SLC4A10: variants seen among roughly 807,000 people sequenced by gnomAD.
The protein encoded by SLC4A10 is sodium-driven chloride bicarbonate exchanger.
SLC4A10 carries 42 observed loss-of-function variants against 137.7 expected under a neutral mutation model. That is an observed-to-expected ratio of 0.30 (90% CI 0.24 to 0.39). The LOEUF (loss-of-function observed/expected upper bound fraction) is 0.39, where lower values mean the gene tolerates loss of function less well. SLC4A10 is among the 10% of genes least tolerant of loss of function. The pLI, the probability that SLC4A10 is intolerant of heterozygous loss-of-function variation, is 1.00. For synonymous variants in SLC4A10, 474 were observed against 464.1 expected (o/e 1.02, Z -0.27); for missense variants, 925 against 1,355.0 (o/e 0.68, Z 4.98).
intron 1 of SLC4A10, among the ~76,000 whole-genome samples, chr2:161,769,869 T>C (rs550011190): frequency 3.3e-5 from 5 of 152,020 alleles, no homozygotes; most frequent in South Asian, 2.1e-4. Flanking sequence ...CTACATATTA[T>C]GGCACTCTGT....
intron 2 of SLC4A10, among the ~76,000 whole-genome samples, chr2:161,776,859 G>A (rs1415174561): frequency 1.0e-5 from 1 of 95,442 alleles, no homozygotes; most frequent in Non-Finnish European, 2.0e-5. Flanking sequence ...ATTTTCTGGT[G>A]TGTGTGTGTG....
At chr2:161,693,088 A>C (rs1194298782) in intron 1 of SLC4A10, among the ~76,000 whole-genome samples, 1 of 152,070 alleles carries the variant, frequency 6.6e-6, no homozygotes, top group Non-Finnish European at 1.5e-5. Context: ...ACTGGAGAAA[A>C]AGGCAAGTTC....
intron 3 of SLC4A10, 24 bp from the exon 4 acceptor site, chr2:161,839,765 T>C (rs1404592335): frequency 1.2e-6 from 2 of 1,612,900 alleles, no homozygotes; most frequent in East Asian, 4.5e-5. Flanking sequence ...ATGTTCATGG[T>C]AATACATGTC....
intron 1 of SLC4A10, among the ~76,000 whole-genome samples, chr2:161,734,903 C>G (rs2047180416): frequency 6.6e-6 from 1 of 151,954 alleles, no homozygotes; most frequent in South Asian, 2.1e-4. Flanking sequence ...CCCACATACT[C>G]TTCTCATGAT....
chr2:161,658,139 C>A (rs191359876), intron 1 of SLC4A10, among the ~76,000 whole-genome samples: 1 of 152,102 alleles, frequency 6.6e-6, no homozygotes, highest in African/African-American at 2.4e-5. Context: ...GTCTTTTCAA[C>A]ATATGCTTAC....
intron 2 of SLC4A10, among the ~76,000 whole-genome samples, chr2:161,792,347 T>C (rs2125540242): frequency 6.6e-6 from 1 of 152,284 alleles, no homozygotes; most frequent in African/African-American, 2.4e-5. Context: ...TGAAAATTAT[T>C]TAATACTTTT....
At chr2:161,897,938 C>A (rs1376057381) in intron 11 of SLC4A10, among the ~76,000 whole-genome samples, 2 of 152,032 alleles carry the variant, frequency 1.3e-5, no homozygotes, top group Non-Finnish European at 2.9e-5. Flanking sequence ...TTTGAAAACA[C>A]CTTTGTGAAC....
chr2:161,920,860 T>C (rs1688002688), intron 15 of SLC4A10, among the ~76,000 whole-genome samples: 1 of 152,250 alleles, frequency 6.6e-6, no homozygotes, highest in Non-Finnish European at 1.5e-5. Flanking sequence ...TCAACATCCA[T>C]TGATCTTCCT....
chr2:161,838,774 A>G (rs2058983071), intron 3 of SLC4A10, among the ~76,000 whole-genome samples: 2 of 152,224 alleles, frequency 1.3e-5, no homozygotes, highest in Admixed American at 1.3e-4. Flanking sequence ...ACAATGAAAT[A>G]CCACTACATA....
chr2:161,625,066 C>CGTGT (rs5835872), intron 1 of SLC4A10, among the ~76,000 whole-genome samples: 2,168 of 144,264 alleles, frequency 0.015, 29 homozygotes, highest in East Asian at 0.075. Flanking sequence ...ACAGAAGGAT[C>CGTGT]GTGTGTGTGT....
intron 1 of SLC4A10, among the ~76,000 whole-genome samples, chr2:161,680,062 T>C (rs1004098398): frequency 6.6e-6 from 1 of 152,134 alleles, no homozygotes; most frequent in Non-Finnish European, 1.5e-5. Context: ...TGTTTCCCTT[T>C]GTATTTCTTT....
intron 1 of SLC4A10, among the ~76,000 whole-genome samples, chr2:161,701,869 G>T (rs1376581584): frequency 6.6e-6 from 1 of 151,780 alleles, no homozygotes; most frequent in Non-Finnish European, 1.5e-5. Context: ...TTTCACCTCA[G>T]TTAAACTAGC....
chr2:161,846,575 G>A lies in SLC4A10; in HGVS notation c.416+6648G>A, dbSNP rs369405474. Among the ~76,000 whole-genome samples the A allele has an allele frequency of 1.4e-4, 22 of 152,272 alleles. No homozygotes were observed. In the South Asian group the frequency reaches 4.3e-3, roughly 30 times the overall value. The stretch of plus-strand genomic sequence containing the variant: ...GGCAAAACCTGCAAACAACCTGAAT[G>A]TCCCCCATGGGTGACTGATTAAACA... On this transcript the variant is annotated intron_variant, in intron 4 of 26. Transcript: ENST00000446997.
intron 1 of SLC4A10, among the ~76,000 whole-genome samples, chr2:161,731,277 A>AT (rs1574627926): frequency 6.6e-6 from 1 of 151,948 alleles, no homozygotes; most frequent in Non-Finnish European, 1.5e-5. Context: ...ATTTTCCTCT[A>AT]TTTTTTTATA....
intron 1 of SLC4A10, among the ~76,000 whole-genome samples, chr2:161,717,726 T>C (rs1337747481): frequency 6.6e-6 from 1 of 152,190 alleles, no homozygotes; most frequent in Non-Finnish European, 1.5e-5. Flanking sequence ...GCATTGATAT[T>C]CATCAGGGAT....
At chr2:161,952,012 T>C (rs1441354556) in intron 19 of SLC4A10, among the ~76,000 whole-genome samples, 2 of 152,110 alleles carry the variant, frequency 1.3e-5, no homozygotes, top group Non-Finnish European at 2.9e-5. Flanking sequence ...AAAAATCAAC[T>C]AAAAAACCTG....
At chr2:161,696,005 T>G (rs969353704) in intron 1 of SLC4A10, among the ~76,000 whole-genome samples, 1 of 152,046 alleles carries the variant, frequency 6.6e-6, no homozygotes, top group African/African-American at 2.4e-5. Context: ...GTTGGTGTGC[T>G]GCACCCATTA....
intron 4 of SLC4A10, among the ~76,000 whole-genome samples, chr2:161,846,435 C>T (rs1198506004): frequency 6.6e-6 from 1 of 152,126 alleles, no homozygotes; most frequent in Admixed American, 6.6e-5. Context: ...TAAAACTAAA[C>T]ATGCATTTAC....
At chr2:161,801,641 G>A (rs937993190) in intron 2 of SLC4A10, among the ~76,000 whole-genome samples, 1 of 152,084 alleles carries the variant, frequency 6.6e-6, no homozygotes, top group African/African-American at 2.4e-5. Context: ...TTAAGACGTA[G>A]CAACTTATTA....
Sources: gnomAD v4.1 joint callset for allele counts (sites outside exome capture counted in the v4.1 genomes callset) on GRCh38, gnomAD v4.1.1 for gene constraint, MANE v1.5 for transcripts, NCBI Gene and HGNC (gene_info 2026-07-23, HGNC 2026-07-21) for gene names.